Variants in AGBL4 observed in about 807,000 individuals in gnomAD.
AGBL4 encodes the protein cytosolic carboxypeptidase 6.
AGBL4 carries 58 observed loss-of-function variants against 66.4 expected under a neutral mutation model. That is an observed-to-expected ratio of 0.87 (90% CI 0.71 to 1.09). The LOEUF (loss-of-function observed/expected upper bound fraction) is 1.09, where lower values mean the gene tolerates loss of function less well. Ranked by LOEUF, AGBL4 falls within the 50% of genes least tolerant of loss-of-function variation. The pLI, the probability that AGBL4 is intolerant of heterozygous loss-of-function variation, is 0.00. For missense variants in AGBL4, 579 were observed against 631.0 expected, an observed-to-expected ratio of 0.92 and a Z score of 0.88; for synonymous variants, 234 against 222.9, an observed-to-expected ratio of 1.05 and a Z score of -0.44.
intron 1 of AGBL4, among the ~76,000 whole-genome samples, chr1:49,915,598 G>T (rs924272450): frequency 6.6e-6 from 1 of 152,206 alleles, no homozygotes; most frequent in African/African-American, 2.4e-5. Context: ...AGCTCGAACT[G>T]GGTGGAGCCC....
intron 3 of AGBL4, among the ~76,000 whole-genome samples, chr1:49,371,440 C>A (rs1644344080): frequency 3.9e-5 from 6 of 152,002 alleles, no homozygotes; most frequent in Admixed American, 3.9e-4. Flanking sequence ...AGTTTGTACT[C>A]AAGAAATATT....
intron 6 of AGBL4, among the ~76,000 whole-genome samples, chr1:48,835,637 G>A (rs1474253246): frequency 6.6e-6 from 1 of 152,028 alleles, no homozygotes; most frequent in Non-Finnish European, 1.5e-5. Flanking sequence ...GGTAGTTCAG[G>A]GGTCTATAAT....
intron 2 of AGBL4, among the ~76,000 whole-genome samples, chr1:49,847,681 AC>A (rs1488150281): frequency 8.5e-5 from 13 of 152,282 alleles, no homozygotes; most frequent in Admixed American, 5.9e-4. Flanking sequence ...TTAAAAAAGA[AC>A]ATTACAAATG....
At chr1:48,588,851 A>AGAAGAGAAGGGAAGAGAAGG (rs1553191784) in intron 10 of AGBL4, among the ~76,000 whole-genome samples, 1 of 139,042 alleles carries the variant, frequency 7.2e-6, no homozygotes, top group Non-Finnish European at 1.6e-5. Flanking sequence ...AGAAGAGAAG[A>AGAAGAGAAGGGAAGAGAAGG]GAAGAGAAGG....
chr1:49,088,698 CAGAAAA>C (rs1038385778), intron 4 of AGBL4, among the ~76,000 whole-genome samples: 1 of 152,084 alleles, frequency 6.6e-6, no homozygotes, highest in African/African-American at 2.4e-5. Flanking sequence ...ATCATCAAGG[CAGAAAA>C]TGAACAAAGA....
chr1:49,836,643 G>A (rs781025137), intron 2 of AGBL4, among the ~76,000 whole-genome samples: 1 of 152,150 alleles, frequency 6.6e-6, no homozygotes, highest in Non-Finnish European at 1.5e-5. Context: ...TGATCCTTTG[G>A]AGGAGAAGAG....
At chr1:48,976,199 T>A (rs1346831080) in intron 5 of AGBL4, among the ~76,000 whole-genome samples, 1 of 152,028 alleles carries the variant, frequency 6.6e-6, no homozygotes, top group Non-Finnish European at 1.5e-5. Context: ...GCAGAGGGGG[T>A]TCCCAAATAT....
chr1:49,596,603 T>C (rs1211782242), intron 3 of AGBL4, among the ~76,000 whole-genome samples: 1 of 152,246 alleles, frequency 6.6e-6, no homozygotes, highest in African/African-American at 2.4e-5. Flanking sequence ...TTGTTTTCTA[T>C]TTAGTTAAAA....
chr1:48,674,457 C>A lies in AGBL4; in HGVS notation c.635-11216G>T, dbSNP rs553851266. Among the ~76,000 whole-genome samples, 10 of 147,784 alleles carry A rather than the reference C, an allele frequency of 6.8e-5. 1 individual carries two copies. The South Asian group carries it at 2.1e-3, about 32-fold the overall frequency. The stretch of plus-strand genomic sequence containing the variant: ...AGCTGGTGTTCCTTCTCCCTCACCC[C>A]AAGCCGTCGTTCACTCACAGAGAGG... On this transcript the variant is annotated intron_variant, in intron 6 of 13. Transcript: ENST00000371839.
At chr1:49,492,554 T>C (rs982805446) in intron 3 of AGBL4, among the ~76,000 whole-genome samples, 19 of 151,990 alleles carry the variant, frequency 1.3e-4, no homozygotes, top group African/African-American at 4.6e-4. Context: ...TGTGATTGCA[T>C]CTGTGTTCCT....
intron 3 of AGBL4, among the ~76,000 whole-genome samples, chr1:49,469,232 T>C (rs1291992432): frequency 6.6e-6 from 1 of 151,838 alleles, no homozygotes; most frequent in Non-Finnish European, 1.5e-5. Flanking sequence ...TATGAAATGT[T>C]TTGTCATGTT....
intron 3 of AGBL4, among the ~76,000 whole-genome samples, chr1:49,253,023 ACAT>A (rs1182706603): frequency 6.6e-6 from 1 of 152,178 alleles, no homozygotes; most frequent in Non-Finnish European, 1.5e-5. Flanking sequence ...TAACCAGCTA[ACAT>A]CATATGGCAG....
intron 5 of AGBL4, among the ~76,000 whole-genome samples, chr1:48,893,055 C>T (rs561945538): frequency 1.1e-3 from 175 of 152,202 alleles, no homozygotes; most frequent in South Asian, 3.5e-3. Context: ...ATCTACTGTA[C>T]ACTGCTGAAT....
intron 3 of AGBL4, among the ~76,000 whole-genome samples, chr1:49,411,754 G>A (rs1645319675): frequency 6.6e-6 from 1 of 152,122 alleles, no homozygotes. Context: ...GGTCATTGAA[G>A]AGTTTGAGCA....
chr1:49,207,542 T>TTCTTTCTTTA (rs1648288037), intron 4 of AGBL4, among the ~76,000 whole-genome samples: 3 of 77,974 alleles, frequency 3.8e-5, no homozygotes, highest in African/African-American at 1.5e-4. Flanking sequence ...TTTTTCTTTC[T>TTCTTTCTTTA]TTTCTTTCTT....
intron 1 of AGBL4, among the ~76,000 whole-genome samples, chr1:49,857,173 G>A (rs536563423): frequency 4.6e-5 from 7 of 151,632 alleles, no homozygotes; most frequent in Non-Finnish European, 8.8e-5. Flanking sequence ...TTTAACCAAC[G>A]GGCTGAAAGA....
intron 3 of AGBL4, among the ~76,000 whole-genome samples, chr1:49,616,664 T>C (rs1385248626): frequency 6.6e-6 from 1 of 152,136 alleles, no homozygotes; most frequent in Non-Finnish European, 1.5e-5. Context: ...GTCTAATAAG[T>C]ATCCCAAACT....
chr1:49,293,997 T>A (rs74404312), intron 3 of AGBL4, among the ~76,000 whole-genome samples: 1,688 of 152,300 alleles, frequency 0.011, 26 homozygotes, highest in African/African-American at 0.039. Context: ...CAACTGAATG[T>A]TTTACCCTCT....
chr1:49,110,651 C>T (rs1286248609), intron 4 of AGBL4, among the ~76,000 whole-genome samples: 2 of 152,132 alleles, frequency 1.3e-5, no homozygotes, highest in African/African-American at 4.8e-5. Context: ...TTAGTTATCT[C>T]CCACTTTTTC....
Sources: gnomAD v4.1 joint callset for allele counts (sites outside exome capture counted in the v4.1 genomes callset) on GRCh38, gnomAD v4.1.1 for gene constraint, MANE v1.5 for transcripts, NCBI Gene and HGNC (gene_info 2026-07-23, HGNC 2026-07-21) for gene names.